MTMR3: variants seen among roughly 807,000 people sequenced by gnomAD.
The protein encoded by MTMR3 is myotubularin related protein 3.
Under a neutral mutation model 132.4 loss-of-function variants are expected in MTMR3, and 32 were observed. That is an observed-to-expected ratio of 0.24 (90% CI 0.18 to 0.32). The LOEUF (loss-of-function observed/expected upper bound fraction) is 0.32. MTMR3 is among the 10% of genes least tolerant of loss of function. The probability of loss-of-function intolerance (pLI) is 1.00; values close to 1 mark genes in which losing one functional copy is unlikely to be tolerated. For missense variants in MTMR3, 1,216 were observed against 1,489.6 expected, an observed-to-expected ratio of 0.82 and a Z score of 3.02; for synonymous variants, 556 against 550.3, an observed-to-expected ratio of 1.01 and a Z score of -0.14.
In MTMR3 at chr22:29,934,857, T is replaced by G. The variant is rs531634258; in HGVS notation, c.-137-22179T>G. 9.8e-5 allele frequency among the ~76,000 whole-genome samples: 15 copies of G among 152,332 alleles called. No homozygotes were observed. In the East Asian group the frequency reaches 2.9e-3, roughly 29 times the overall value. On this transcript the variant is annotated intron_variant, in intron 1 of 19. Transcript: ENST00000401950. ...CGTAAAAAGTACATAGCCCAGTGAT[T>G]GGCACATAGTTCAGTAAATAATAGC...
rs6006311 is a variant in MTMR3, at chr22:29,954,341, C to T, written c.-137-2695C>T. 1.0e-3 allele frequency among the ~76,000 whole-genome samples: 155 copies of T among 152,054 alleles called. 1 individual carries two copies. The highest frequency in any genetic ancestry group is 3.5e-3 in the African/African-American group (145 of 41,468). ...CTGGTCTCAAGCAGTCCTCCCACTT[C>T]GGCCTCCCAGAGTGCTAAGATTATA... On this transcript the variant is annotated intron_variant, in intron 1 of 19. Transcript: ENST00000401950.
intron 1 of MTMR3, among the ~76,000 whole-genome samples, chr22:29,940,210 G>A (rs2065829991): frequency 6.6e-6 from 1 of 152,166 alleles, no homozygotes; most frequent in South Asian, 2.1e-4. Flanking sequence ...GGAACTTGCA[G>A]TGAGCCGAGA....
chr22:29,912,142 A>G (rs780726765), intron 1 of MTMR3, among the ~76,000 whole-genome samples: 7 of 152,210 alleles, frequency 4.6e-5, no homozygotes, highest in Non-Finnish European at 1.0e-4. Context: ...TTGTGGATTA[A>G]ATGTTAGACT....
intron 1 of MTMR3, among the ~76,000 whole-genome samples, chr22:29,883,840 T>C (rs1166634132): frequency 6.6e-6 from 1 of 152,122 alleles, no homozygotes; most frequent in African/African-American, 2.4e-5. Flanking sequence ...GGCCTGGGCC[T>C]TGTGGAAAGG....
At chr22:29,886,707 G>C (rs761171997) in intron 1 of MTMR3, among the ~76,000 whole-genome samples, 37 of 152,268 alleles carry the variant, frequency 2.4e-4, no homozygotes, top group Middle Eastern at 3.4e-3. Context: ...TTAGCTTATG[G>C]ATTTTAGACA....
rs75138943 is a variant in MTMR3, at chr22:29,963,942, G to A, written c.-85+6854G>A. Among the ~76,000 whole-genome samples, 680 of 151,936 alleles carry A rather than the reference G, an allele frequency of 4.5e-3. 6 individuals carry two copies. Among genetic ancestry groups the A allele is most frequent in the African/African-American group, 0.015 (642 of 41,436 alleles). On this transcript the variant is annotated intron_variant, in intron 2 of 19. Coordinates refer to ENST00000401950, the MANE Select transcript of MTMR3 (RefSeq NM_021090.4). ...ATAAATCTGCTATAAACATGTATTTGCAAGATTTTACATGGACATGTTTTT... is the reference window on the plus strand; with the variant it reads ...ATAAATCTGCTATAAACATGTATTTACAAGATTTTACATGGACATGTTTTT...
intron 1 of MTMR3, among the ~76,000 whole-genome samples, chr22:29,955,419 A>G (rs1320078596): frequency 2.0e-5 from 3 of 152,234 alleles, no homozygotes; most frequent in Non-Finnish European, 4.4e-5. Context: ...AAAAGGTTCT[A>G]CAGATTTACA....
intron 2 of MTMR3, among the ~76,000 whole-genome samples, chr22:29,958,778 T>C (rs2145847464): frequency 1.3e-5 from 2 of 152,370 alleles, no homozygotes; most frequent in Admixed American, 1.3e-4. Flanking sequence ...AGGCAAGAAC[T>C]ATATTGATAT....
Position 29,970,972 on chromosome 22 carries a change from C to CCCCA in MTMR3, c.-84-3_-84-2insCCAC. On this transcript the variant is annotated splice_polypyrimidine_tract_variant and splice_region_variant and intron_variant, in intron 2 of 19. Transcript: ENST00000401950. ...TTCTTCCCCCTCTTCCCCCCCACCC[C>CCCCA]CAGACTTCACCATAAGGGAAAGAAG... 1 of 1,141,478 alleles carries CCCCA rather than the reference C, an allele frequency of 8.8e-7. No individual in the cohort carries two copies. Among genetic ancestry groups the CCCCA allele is most frequent in the Non-Finnish European group, 1.2e-6 (1 of 830,792 alleles). The allele number at this position is 1,141,478 out of a possible 1,614,324, so 70.7% of individuals were successfully genotyped here.
chr22:29,997,390 C>G (rs550748114), intron 7 of MTMR3: 1 of 152,294 alleles, frequency 6.6e-6, no homozygotes, highest in South Asian at 2.1e-4. Flanking sequence ...CTGTTTTGTG[C>G]TTTTGTTGTT....
chr22:29,956,334 C>T (rs57724305), intron 1 of MTMR3, among the ~76,000 whole-genome samples: 6,596 of 152,140 alleles, frequency 0.043, 482 homozygotes, highest in African/African-American at 0.15. Context: ...GAAACCTCCA[C>T]GTCTCGTGTT....
intron 1 of MTMR3, among the ~76,000 whole-genome samples, chr22:29,898,978 G>A (rs557694758): frequency 3.0e-4 from 45 of 148,918 alleles, no homozygotes; most frequent in African/African-American, 1.1e-3. Context: ...TTATAAGTGA[G>A]TCACTGATAA....
At chr22:29,952,591 G>A (rs2066105264) in intron 1 of MTMR3, among the ~76,000 whole-genome samples, 1 of 152,082 alleles carries the variant, frequency 6.6e-6, no homozygotes, top group Non-Finnish European at 1.5e-5. Context: ...GTTGTGTAAG[G>A]GTAGGAACTT....
chr22:29,966,726 CGTGTGTGT>C (rs55960706), intron 2 of MTMR3, among the ~76,000 whole-genome samples: 2,884 of 142,930 alleles, frequency 0.02, 55 homozygotes, highest in African/African-American at 0.048. Flanking sequence ...TAGGGGTGTG[CGTGTGTGT>C]GTGTGTGTGT....
intron 9 of MTMR3, chr22:30,004,429 G>C (rs2067234730): frequency 6.6e-6 from 1 of 152,104 alleles, no homozygotes; most frequent in Admixed American, 6.6e-5. Flanking sequence ...TTCTCCCTTT[G>C]GGAAGAGAAG....
chr22:30,022,511 T>G, intron 18 of MTMR3, 98 bp from the exon 19 acceptor site: 1 of 1,009,038 alleles, frequency 9.9e-7, no homozygotes, highest in South Asian at 1.3e-5. Context: ...CTGGAGCTGA[T>G]GTGGTCCTTG....
At chr22:29,954,186 A>G (rs1471688590) in intron 1 of MTMR3, among the ~76,000 whole-genome samples, 2 of 150,194 alleles carry the variant, frequency 1.3e-5, no homozygotes, top group African/African-American at 2.5e-5. Context: ...GGCTCAAGCA[A>G]CCCTCCTGCC....
chr22:29,912,869 T>C (rs1474601649), intron 1 of MTMR3, among the ~76,000 whole-genome samples: 2 of 152,226 alleles, frequency 1.3e-5, no homozygotes. Flanking sequence ...CTGAACTGTT[T>C]TAGCTGGCTT....
At chr22:29,902,378 T>C (rs1055161868) in intron 1 of MTMR3, among the ~76,000 whole-genome samples, 1 of 151,838 alleles carries the variant, frequency 6.6e-6, no homozygotes, top group African/African-American at 2.4e-5. Flanking sequence ...CTCTAAGTAG[T>C]AGAATGGTTA....
Sources: gnomAD v4.1 joint callset for allele counts (sites outside exome capture counted in the v4.1 genomes callset) on GRCh38, gnomAD v4.1.1 for gene constraint, MANE v1.5 for transcripts, NCBI Gene and HGNC (gene_info 2026-07-23, HGNC 2026-07-21) for gene names.